The following FRMD4A variants were observed in gnomAD, a reference collection of about 807,000 sequenced individuals.
FRMD4A encodes FERM domain-containing protein 4A.
In FRMD4A, 29 loss-of-function variants were observed where a neutral mutation model predicts 129.1. The observed-to-expected ratio is 0.22, with a 90% CI of 0.17 to 0.31. FRMD4A has a LOEUF of 0.31. Ranked by LOEUF, FRMD4A falls within the 10% of genes least tolerant of loss-of-function variation. The probability of loss-of-function intolerance (pLI) is 1.00; values close to 1 mark genes in which losing one functional copy is unlikely to be tolerated. For synonymous variants in FRMD4A, 634 were observed against 571.6 expected (o/e 1.11, Z -1.56); for missense variants, 1,272 against 1,375.8 (o/e 0.92, Z 1.19).
intron 2 of FRMD4A, among the ~76,000 whole-genome samples, chr10:14,077,145 T>G (rs770411161): frequency 1.5e-4 from 23 of 152,144 alleles, no homozygotes; most frequent in Admixed American, 6.5e-4. Flanking sequence ...AATCCCAGAT[T>G]GTGTGACAGC....
At chr10:13,912,694 A>AT (rs1184284332) in intron 2 of FRMD4A, among the ~76,000 whole-genome samples, 35 of 151,632 alleles carry the variant, frequency 2.3e-4, no homozygotes, top group Non-Finnish European at 2.8e-4. Flanking sequence ...TGCCCGGCTA[A>AT]TTTTTTTTGT....
intron 2 of FRMD4A, among the ~76,000 whole-genome samples, chr10:14,167,059 A>G (rs1738833843): frequency 6.6e-6 from 1 of 152,360 alleles, no homozygotes; most frequent in Non-Finnish European, 1.5e-5. Flanking sequence ...ACATGAATCG[A>G]TAGTCTATTC....
At chr10:14,054,429 T>C (rs975000251) in intron 2 of FRMD4A, among the ~76,000 whole-genome samples, 1 of 152,178 alleles carries the variant, frequency 6.6e-6, no homozygotes, top group Non-Finnish European at 1.5e-5. Context: ...CTTGCCCTAA[T>C]TTCCCAAAAC....
intron 2 of FRMD4A, among the ~76,000 whole-genome samples, chr10:14,076,929 A>G (rs1438553181): frequency 1.3e-5 from 2 of 152,200 alleles, no homozygotes; most frequent in Admixed American, 1.3e-4. Context: ...AGTAAGGAAG[A>G]GATACAGAGG....
intron 2 of FRMD4A, among the ~76,000 whole-genome samples, chr10:13,987,432 G>C (rs1225390818): frequency 6.6e-6 from 1 of 152,076 alleles, no homozygotes; most frequent in Non-Finnish European, 1.5e-5. Context: ...CCCACTTACA[G>C]ACTTGAAAAG....
rs1997327 is a variant in FRMD4A, at chr10:13,874,375, G to A, written c.46-15463C>T. ...CACTCTCTCCCCAAAATAAATCCCA[G>A]GTAGTTTATAAAGTTAAATTTTAAA... On this transcript the variant is annotated intron_variant, in intron 2 of 24. Coordinates refer to ENST00000357447, the MANE Select transcript of FRMD4A (RefSeq NM_018027.5). Among the ~76,000 whole-genome samples, 1,143 of 151,602 alleles carry A rather than the reference G, an allele frequency of 7.5e-3. 10 individuals carry two copies. The highest frequency in any genetic ancestry group is 0.026 in the African/African-American group (1,092 of 41,288).
chr10:14,185,911 G>A (rs1842129174), intron 2 of FRMD4A, among the ~76,000 whole-genome samples: 1 of 152,194 alleles, frequency 6.6e-6, no homozygotes, highest in African/African-American at 2.4e-5. Context: ...GAGAGACTGG[G>A]CAGGAACTGC....
At chr10:13,728,728 G>A (rs988052064) in intron 12 of FRMD4A, among the ~76,000 whole-genome samples, 18 of 151,722 alleles carry the variant, frequency 1.2e-4, no homozygotes, top group African/African-American at 3.6e-4. Flanking sequence ...ATATCACCAC[G>A]CCCAGCTAAT....
intron 2 of FRMD4A, chr10:14,074,685 G>A (rs1185271756): frequency 6.6e-6 from 1 of 152,118 alleles, no homozygotes; most frequent in East Asian, 1.9e-4. Context: ...AGTCGCTGCC[G>A]GACTCAAATT....
chr10:13,984,870 G>T (rs1574583), intron 2 of FRMD4A, among the ~76,000 whole-genome samples: 1 of 152,092 alleles, frequency 6.6e-6, no homozygotes, highest in Non-Finnish European at 1.5e-5. Context: ...CCATTCCTTT[G>T]GGGATTTACC....
In FRMD4A at chr10:13,987,722, CT is replaced by C. The variant is rs568062676; in HGVS notation, c.46-128811del. On this transcript the variant is annotated intron_variant, in intron 2 of 24. Coordinates refer to ENST00000357447, the MANE Select transcript of FRMD4A (RefSeq NM_018027.5). Reference sequence around the variant, plus strand: ...CCACGAGGAAACTGCAGGGGACACACTTACTTTTCTTTAACTCGATGCACAA... The same window carrying C: ...CCACGAGGAAACTGCAGGGGACACACTACTTTTCTTTAACTCGATGCACAA... Among the ~76,000 whole-genome samples the C allele has an allele frequency of 1.1e-3, 160 of 152,322 alleles. 1 individual carries two copies. Among genetic ancestry groups the C allele is most frequent in the African/African-American group, 3.5e-3 (146 of 41,564 alleles).
rs116702817 is a variant in FRMD4A, at chr10:13,796,116, A to G, written c.299+380T>C. ...CGAGATTCAAGTGGCATCCCCTCTA[A>G]AAGGAAAGAATACAAAGGCTTTTGT... On this transcript the variant is annotated intron_variant, in intron 5 of 24. Coordinates refer to ENST00000357447, the MANE Select transcript of FRMD4A (RefSeq NM_018027.5). Among the ~76,000 whole-genome samples, 384 of 152,240 alleles carry G rather than the reference A, an allele frequency of 2.5e-3. 2 individuals are homozygous for G. Among genetic ancestry groups the G allele is most frequent in the African/African-American group, 8.8e-3 (364 of 41,538 alleles).
Position 14,055,459 on chromosome 10 carries a change from ACAAACACACACAC to A in FRMD4A, c.46-196560_46-196548del, listed in dbSNP as rs1834474029. Among the ~76,000 whole-genome samples, 416 of 111,358 alleles carry A rather than the reference ACAAACACACACAC, an allele frequency of 3.7e-3. 1 individual carries two copies. The highest frequency in any genetic ancestry group is 8.5e-3 in the Middle Eastern group (2 of 236). 73.1% of individuals were successfully genotyped at this position (111,358 alleles called of 152,430 possible). On this transcript the variant is annotated intron_variant, in intron 2 of 24. Transcript: ENST00000357447. ...TAGCTACACACACACACACACACACACAAACACACACACACACACACACACACACACACACACA... is the reference window on the plus strand; with the variant it reads ...TAGCTACACACACACACACACACACAACACACACACACACACACACACACA...
At chr10:13,905,503 C>T (rs555308215) in intron 2 of FRMD4A, among the ~76,000 whole-genome samples, 1 of 152,138 alleles carries the variant, frequency 6.6e-6, no homozygotes, top group South Asian at 2.1e-4. Context: ...AGAGAATGCC[C>T]CTTGTGCTCT....
intron 2 of FRMD4A, among the ~76,000 whole-genome samples, chr10:13,968,564 C>T (rs953981958): frequency 1.3e-4 from 20 of 152,258 alleles, no homozygotes; most frequent in South Asian, 8.3e-4. Context: ...GCGATTCTCC[C>T]GCCTCAGCCT....
At chr10:14,098,299 A>G (rs1837106981) in intron 2 of FRMD4A, among the ~76,000 whole-genome samples, 1 of 151,430 alleles carries the variant, frequency 6.6e-6, no homozygotes, top group Non-Finnish European at 1.5e-5. Flanking sequence ...TGGTTCTAAA[A>G]TGCAGATCAT....
At chr10:13,770,102 T>C (rs2092413884) in intron 6 of FRMD4A, among the ~76,000 whole-genome samples, 1 of 152,218 alleles carries the variant, frequency 6.6e-6, no homozygotes, top group Admixed American at 6.5e-5. Flanking sequence ...ACAATGCCCA[T>C]ATTTAGCCCA....
At chr10:14,201,260 C>T (rs1465545568) in intron 2 of FRMD4A, among the ~76,000 whole-genome samples, 3 of 152,342 alleles carry the variant, frequency 2.0e-5, no homozygotes, top group East Asian at 3.9e-4. Flanking sequence ...CCTGCAACAG[C>T]GGCCTCTTTG....
chr10:14,264,060 A>G (rs1489628976), intron 2 of FRMD4A, among the ~76,000 whole-genome samples: 1 of 152,196 alleles, frequency 6.6e-6, no homozygotes, highest in African/African-American at 2.4e-5. Context: ...TACGAAAACT[A>G]ATGACTGCAA....
Sources: gnomAD v4.1 joint callset for allele counts (sites outside exome capture counted in the v4.1 genomes callset) on GRCh38, gnomAD v4.1.1 for gene constraint, MANE v1.5 for transcripts, NCBI Gene and HGNC (gene_info 2026-07-23, HGNC 2026-07-21) for gene names.